Variants in KIDINS220 observed in about 807,000 individuals in gnomAD.
The protein encoded by KIDINS220 is kinase D interacting substrate 220.
In KIDINS220, 63 loss-of-function variants were observed where a neutral mutation model predicts 157.6. The ratio of observed to expected loss-of-function variants is 0.40; its 90% CI spans 0.33 to 0.49. The LOEUF (loss-of-function observed/expected upper bound fraction) is 0.49. Ranked by LOEUF, KIDINS220 falls within the 20% of genes least tolerant of loss-of-function variation. The pLI is 0.66. For synonymous variants in KIDINS220, 732 were observed against 783.6 expected (o/e 0.93, Z 1.10); for missense variants, 1,772 against 2,171.2 (o/e 0.82, Z 3.65).
intron 1 of KIDINS220, among the ~76,000 whole-genome samples, chr2:8,831,585 G>A (rs1679630708): frequency 6.6e-6 from 1 of 152,160 alleles, no homozygotes; most frequent in African/African-American, 2.4e-5. Context: ...CTCCACACCT[G>A]TGTATACATC....
intron 6 of KIDINS220, among the ~76,000 whole-genome samples, chr2:8,808,868 C>G (rs1286212134): frequency 6.6e-6 from 1 of 152,216 alleles, no homozygotes; most frequent in Non-Finnish European, 1.5e-5. Flanking sequence ...ACTGTTCTTT[C>G]TTTTAAGCTT....
intron 18 of KIDINS220, 88 bp downstream of exon 18, chr2:8,779,586 C>A: frequency 7.2e-7 from 1 of 1,392,234 alleles, no homozygotes; most frequent in Non-Finnish European, 9.7e-7. Context: ...AAACCAATTC[C>A]GTTCTATTTT....
intron 22 of KIDINS220, among the ~76,000 whole-genome samples, chr2:8,770,421 A>G (rs1670044170): frequency 6.6e-6 from 1 of 152,142 alleles, no homozygotes; most frequent in Admixed American, 6.5e-5. Context: ...AATTTTTTAA[A>G]ATTTTAAATA....
chr2:8,800,814 T>C (rs1458158906), intron 8 of KIDINS220, among the ~76,000 whole-genome samples: 1 of 152,192 alleles, frequency 6.6e-6, no homozygotes, highest in Non-Finnish European at 1.5e-5. Flanking sequence ...GTAAATTAAA[T>C]ACAATGACGT....
At position 8,731,478 on chromosome 2, in the gene KIDINS220, G is replaced by C; in HGVS notation, c.4558C>G (p.Pro1520Ala). Reference sequence around the variant, plus strand: ...GTGCCAGATTCATCCTCGTCACTTGGGAGTTTTTGATAGCGCAGCCCACTT... The same window carrying C: ...GTGCCAGATTCATCCTCGTCACTTGCGAGTTTTTGATAGCGCAGCCCACTT... Reference protein sequence around the residue: ...KGSGLRYQKLPSDEDESGTEE... With the variant: ...KGSGLRYQKLASDEDESGTEE... Residue 1520 changes from proline to alanine, a missense_variant, in exon 30 of 30, where the codon CCA becomes GCA. Coordinates refer to ENST00000256707, the MANE Select transcript of KIDINS220 (RefSeq NM_020738.4). This position sits in a 1 kb window ranked among gnomAD's most constrained non-coding sequence, Gnocchi z 5.2. The C allele has an allele frequency of 6.2e-7, 1 of 1,614,138 alleles. No individual in the cohort carries two copies. The highest frequency in any genetic ancestry group is 8.5e-7 in the Non-Finnish European group (1 of 1,180,020).
intron 14 of KIDINS220, among the ~76,000 whole-genome samples, chr2:8,789,674 G>A (rs1672919400): frequency 6.6e-6 from 1 of 152,094 alleles, no homozygotes; most frequent in African/African-American, 2.4e-5. Context: ...TTAACAAGTA[G>A]TACATTAGTT....
At chr2:8,726,643 A>ACTAC (rs1663347358), downstream of KIDINS220, among the ~76,000 whole-genome samples, 1 of 152,158 alleles carries the variant, frequency 6.6e-6, no homozygotes, top group Non-Finnish European at 1.5e-5. Context: ...GGTGGCACCC[A>ACTAC]CTACACACCT....
At chr2:8,757,775 T>G (rs1227832093) in intron 22 of KIDINS220, 3 of 1,610,824 alleles carry the variant, frequency 1.9e-6, no homozygotes, top group Non-Finnish European at 2.5e-6. Flanking sequence ...CACAACTGTC[T>G]GCTCCACAGC....
intron 27 of KIDINS220, 69 bp downstream of exon 27, chr2:8,736,799 C>T: frequency 6.6e-7 from 1 of 1,525,466 alleles, no homozygotes; most frequent in Non-Finnish European, 8.9e-7. Context: ...ATAAAGTTTA[C>T]ACGACCCACA....
intron 7 of KIDINS220, among the ~76,000 whole-genome samples, chr2:8,805,519 CT>C (rs1370980644): frequency 6.6e-6 from 1 of 152,116 alleles, no homozygotes; most frequent in Non-Finnish European, 1.5e-5. Context: ...TATATTTCAT[CT>C]TTATCACTCT....
chr2:8,748,294 A>G (rs1003492188), intron 24 of KIDINS220, among the ~76,000 whole-genome samples: 2 of 152,210 alleles, frequency 1.3e-5, no homozygotes, highest in African/African-American at 4.8e-5. Context: ...TATGTTTACA[A>G]GCTTACCATC....
downstream of KIDINS220, chr2:8,728,840 C>T (rs981897531): frequency 2.0e-6 from 2 of 984,890 alleles, no homozygotes; most frequent in Admixed American, 6.1e-5. Flanking sequence ...TAACAAACTT[C>T]AGACATGTGA....
rs534339134 is a variant in KIDINS220, at chr2:8,769,655, A to G, written c.3011+1015T>C. 1.3e-4 allele frequency among the ~76,000 whole-genome samples: 20 copies of G among 152,352 alleles called. No homozygotes were observed. In the South Asian group the frequency reaches 2.7e-3, roughly 21 times the overall value. On this transcript the variant is annotated intron_variant, in intron 22 of 29. Coordinates refer to ENST00000256707, the MANE Select transcript of KIDINS220 (RefSeq NM_020738.4). ...AGTTTTAACCGCTTAGCAAACGTTC[A>G]TAATTATACAGCACTTGTATTATAA...
chr2:8,728,402 G>C (rs1373216754), downstream of KIDINS220, among the ~76,000 whole-genome samples: 1 of 152,182 alleles, frequency 6.6e-6, no homozygotes, highest in Non-Finnish European at 1.5e-5. Flanking sequence ...CTAAGGGCAA[G>C]ATTAGAGCAC....
chr2:8,745,306 G>A (rs1666386479), intron 26 of KIDINS220, among the ~76,000 whole-genome samples: 1 of 152,198 alleles, frequency 6.6e-6, no homozygotes, highest in African/African-American at 2.4e-5. Context: ...TGCATATAGT[G>A]ATGATGACCC....
chr2:8,778,561 A>G, intron 20 of KIDINS220, 78 bp downstream of exon 20: 1 of 935,576 alleles, frequency 1.1e-6, no homozygotes, highest in Non-Finnish European at 1.8e-6. Flanking sequence ...ACAAAGTATT[A>G]TTTAAGTGGC....
chr2:8,769,843 T>C (rs2148155334), intron 22 of KIDINS220, among the ~76,000 whole-genome samples: 1 of 152,296 alleles, frequency 6.6e-6, no homozygotes, highest in Non-Finnish European at 1.5e-5. Context: ...ACAGTAATTA[T>C]ACATCACTGC....
In KIDINS220 at chr2:8,813,231, G is replaced by T; in HGVS notation, c.405+6C>A. 6.2e-7 allele frequency: 1 copy of T among 1,602,206 alleles called. No individual in the cohort carries two copies. The highest frequency in any genetic ancestry group is 1.3e-5 in the African/African-American group (1 of 74,312). ...AATACAAACAAATTTTTTTGTTAAT[G>T]CTTACCAGACCAGTGACACTTGGAT... On this transcript the variant is annotated splice_donor_region_variant and intron_variant, in intron 5 of 29. Transcript: ENST00000256707.
intron 1 of KIDINS220, among the ~76,000 whole-genome samples, chr2:8,830,347 C>T (rs1245930881): frequency 1.3e-5 from 2 of 152,170 alleles, no homozygotes; most frequent in Admixed American, 6.5e-5. Flanking sequence ...GCTTAATCTA[C>T]TTTCCTTCTA....
Sources: allele counts gnomAD v4.1 joint callset (sites outside exome capture counted in the v4.1 genomes callset), GRCh38; gene constraint gnomAD v4.1.1; non-coding constraint Gnocchi (gnomAD v3.1); transcripts MANE v1.5; gene names NCBI Gene and HGNC (gene_info 2026-07-23, HGNC 2026-07-21).